Variants in LARP1B observed in about 807,000 individuals in gnomAD.
LARP1B encodes la-related protein 1B.
LARP1B carries 76 observed loss-of-function variants against 114.2 expected under a neutral mutation model. The ratio of observed to expected loss-of-function variants is 0.67; its 90% CI spans 0.55 to 0.81. LARP1B has a LOEUF of 0.81. Ranked by LOEUF, LARP1B falls within the 30% of genes least tolerant of loss-of-function variation. LARP1B has a pLI of 0.00. For synonymous variants in LARP1B, 345 were observed against 348.0 expected, an observed-to-expected ratio of 0.99 and a Z score of 0.10; for missense variants, 1,014 against 1,075.8, an observed-to-expected ratio of 0.94 and a Z score of 0.80.
At chr4:128,190,016 G>C (rs1024707433) in intron 15 of LARP1B, among the ~76,000 whole-genome samples, 1 of 152,162 alleles carries the variant, frequency 6.6e-6, no homozygotes, top group Non-Finnish European at 1.5e-5. Context: ...TTTTACCAGT[G>C]AGTTTTATAC....
intron 11 of LARP1B, chr4:128,123,547 C>T (rs1347597183): frequency 2.3e-6 from 1 of 433,402 alleles, no homozygotes; most frequent in African/African-American, 2.2e-5. Context: ...TACTTTTATT[C>T]TCTTGGAGAA....
intron 11 of LARP1B, among the ~76,000 whole-genome samples, chr4:128,140,470 A>AT (rs1286656611): frequency 6.6e-6 from 1 of 152,124 alleles, no homozygotes; most frequent in African/African-American, 2.4e-5. Context: ...ATGAAACATG[A>AT]TTTTTTAGGT....
At chr4:128,136,606 AAG>A (rs1409860034) in intron 11 of LARP1B, among the ~76,000 whole-genome samples, 1 of 152,228 alleles carries the variant, frequency 6.6e-6, no homozygotes, top group Non-Finnish European at 1.5e-5. Context: ...AGACAATAAA[AAG>A]TAATTTCAGA....
chr4:128,110,633 C>T (rs62334584), intron 9 of LARP1B, among the ~76,000 whole-genome samples: 71,738 of 115,448 alleles, frequency 0.62, 22,480 homozygotes, highest in Middle Eastern at 0.82. Flanking sequence ...GCCGAGATCC[C>T]GCCACTGCAC....
rs904280639 is a variant in LARP1B, at chr4:128,097,424, C to T, written c.669-762C>T. ...CCGGGTTCAAGGGATTCTCCTGCCT[C>T]AGCCTCCTGAGTAGCTGGGATTACA... On this transcript the variant is annotated intron_variant, in intron 7 of 19. Coordinates refer to ENST00000326639, the MANE Select transcript of LARP1B (RefSeq NM_018078.4). 2.0e-5 allele frequency among the ~76,000 whole-genome samples: 3 copies of T among 152,120 alleles called. No individual in the cohort carries two copies. The East Asian group carries it at 5.8e-4, about 29-fold the overall frequency.
intron 8 of LARP1B, among the ~76,000 whole-genome samples, chr4:128,099,332 G>A (rs887470846): frequency 4.8e-5 from 7 of 144,562 alleles, no homozygotes; most frequent in Non-Finnish European, 9.0e-5. Context: ...CTGTTGCCCA[G>A]TATGGAGTGC....
At chr4:128,155,336 AAG>A (rs1205335114) in intron 11 of LARP1B, 4 of 529,762 alleles carry the variant, frequency 7.6e-6, no homozygotes, top group Middle Eastern at 5.1e-4. Flanking sequence ...AAAATCTGGA[AAG>A]AGAGTCGGAA....
intron 15 of LARP1B, among the ~76,000 whole-genome samples, chr4:128,191,424 A>G (rs1235475520): frequency 6.6e-6 from 1 of 152,126 alleles, no homozygotes; most frequent in African/African-American, 2.4e-5. Context: ...GATTCTTTGC[A>G]GTAGCGTGTG....
intron 6 of LARP1B, among the ~76,000 whole-genome samples, chr4:128,217,930 A>G (rs1200170787): frequency 1.5e-5 from 2 of 134,632 alleles, no homozygotes; most frequent in African/African-American, 5.6e-5. Flanking sequence ...TAAGCTGATA[A>G]GCAACTTCAG....
rs1438496458 is a variant in LARP1B at position 128,147,451 on chromosome 4, C to A, written c.1525-14743C>A. ...TTTGGATATATGTACAAAATCAAAACAGAGAATAAGTAGTCTAGCTAGAGA... is the reference window on the plus strand; with the variant it reads ...TTTGGATATATGTACAAAATCAAAAAAGAGAATAAGTAGTCTAGCTAGAGA... On this transcript the variant is annotated intron_variant, in intron 11 of 19. Coordinates refer to ENST00000326639, the MANE Select transcript of LARP1B (RefSeq NM_018078.4). 2.0e-5 allele frequency among the ~76,000 whole-genome samples: 3 copies of A among 152,100 alleles called. No individual in the cohort carries two copies. In the East Asian group the frequency reaches 5.8e-4, roughly 29 times the overall value.
Position 128,200,628 on chromosome 4 carries a change from A to G in LARP1B, c.2272A>G (p.Arg758Gly). 1 of 1,588,182 alleles carries G rather than the reference A, an allele frequency of 6.3e-7. No individual in the cohort carries two copies. Among genetic ancestry groups the G allele is most frequent in the Middle Eastern group, 1.7e-4 (1 of 5,928 alleles). Reference protein sequence around the residue: ...HFNKKMYEEFRQLAWEDAKEN... With the variant: ...HFNKKMYEEFGQLAWEDAKEN... ...CAATAAAAAAATGTATGAGGAATTT[A>G]GACAACTTGCTTGGGAAGATGCAAA... The change falls in exon 17 of 20, where the codon AGA (arginine) becomes GGA (glycine). Residue 758 changes from arginine (R) to glycine (G), a missense_variant. Transcript: ENST00000326639.
intron 15 of LARP1B, among the ~76,000 whole-genome samples, chr4:128,186,431 CTTGAT>C (rs1750384350): frequency 6.6e-6 from 1 of 151,902 alleles, no homozygotes; most frequent in Non-Finnish European, 1.5e-5. Flanking sequence ...TTGTAGCTGT[CTTGAT>C]TTCTTTTTCA....
intron 8 of LARP1B, among the ~76,000 whole-genome samples, chr4:128,100,025 T>A (rs912337172): frequency 6.6e-6 from 1 of 152,110 alleles, no homozygotes; most frequent in South Asian, 2.1e-4. Flanking sequence ...AATGCCATGA[T>A]CTTGGCTCAC....
At chr4:128,099,368 A>G (rs187569610) in intron 8 of LARP1B, among the ~76,000 whole-genome samples, 1 of 151,438 alleles carries the variant, frequency 6.6e-6, no homozygotes, top group East Asian at 2.0e-4. Flanking sequence ...GCTCACTGCA[A>G]CTTCTGCCTC....
At chr4:128,160,523 TGTG>T (rs1235968496) in intron 11 of LARP1B, among the ~76,000 whole-genome samples, 1 of 147,448 alleles carries the variant, frequency 6.8e-6, no homozygotes, top group African/African-American at 2.5e-5. Flanking sequence ...GTACACTTCT[TGTG>T]TGTGTGTGTG....
chr4:128,212,719 G>A (rs1759153018), downstream of LARP1B, among the ~76,000 whole-genome samples: 2 of 151,986 alleles, frequency 1.3e-5, no homozygotes, highest in African/African-American at 4.8e-5. Flanking sequence ...AAATCTTTGT[G>A]TATAAAAGAG....
At chr4:128,153,996 C>A (rs1008928191) in intron 11 of LARP1B, among the ~76,000 whole-genome samples, 4 of 152,140 alleles carry the variant, frequency 2.6e-5, no homozygotes, top group Non-Finnish European at 5.9e-5. Flanking sequence ...TACTGCCATG[C>A]GTCATCTCTC....
intron 11 of LARP1B, among the ~76,000 whole-genome samples, chr4:128,142,727 C>T (rs1357247947): frequency 1.3e-5 from 2 of 151,852 alleles, no homozygotes; most frequent in Non-Finnish European, 1.5e-5. Flanking sequence ...AAACTGGTCT[C>T]GAACTCCCAA....
At chr4:128,145,764 T>C (rs1730072296) in intron 11 of LARP1B, among the ~76,000 whole-genome samples, 1 of 152,216 alleles carries the variant, frequency 6.6e-6, no homozygotes, top group African/African-American at 2.4e-5. Context: ...AGCTCTTCTC[T>C]CAGAGATCAC....
Sources: allele counts gnomAD v4.1 joint callset (sites outside exome capture counted in the v4.1 genomes callset), GRCh38; gene constraint gnomAD v4.1.1; transcripts MANE v1.5; gene names NCBI Gene and HGNC (gene_info 2026-07-23, HGNC 2026-07-21).